The following HNF1B variants were observed in gnomAD, a reference collection of about 807,000 sequenced individuals.
HNF1B encodes hepatocyte nuclear factor 1-beta.
A neutral mutation model predicts 61.7 loss-of-function variants in HNF1B; 8 were observed. The observed-to-expected ratio is 0.13, with a 90% CI of 0.08 to 0.23. HNF1B has a LOEUF of 0.23. Ranked by LOEUF, HNF1B falls within the 10% of genes least tolerant of loss-of-function variation. The probability of loss-of-function intolerance (pLI) is 1.00; values close to 1 mark genes in which losing one functional copy is unlikely to be tolerated. For synonymous variants in HNF1B, 314 were observed against 287.7 expected, an observed-to-expected ratio of 1.09 and a Z score of -0.93; for missense variants, 562 against 714.5, an observed-to-expected ratio of 0.79 and a Z score of 2.43.
At position 37,744,819 on chromosome 17, in the gene HNF1B, G is replaced by T. The variant is rs906719754; in HGVS notation, c.66C>A (p.Thr22=). Residue 22 remains threonine, a synonymous_variant, in exon 1 of 9, where the codon ACC becomes ACA. Coordinates refer to ENST00000617811, the MANE Select transcript of HNF1B (RefSeq NM_000458.4). ...CCAAGGCCTGAACCAGCACCTCCTT[G>T]GTGACCCCGGAGCTCAGCAGGGCGC... is the stretch of plus-strand genomic sequence containing the variant. The part of the protein sequence containing the change: ...LLSALLSSGV[T]KEVLVQALEE... 1.5e-5 allele frequency: 24 copies of T among 1,613,432 alleles called. No homozygotes were observed. Among genetic ancestry groups the T allele is most frequent in the Admixed American group, 3.3e-5 (2 of 60,004 alleles).
rs181283745 is a variant in HNF1B at position 37,706,320 on chromosome 17, C to T, written c.1207-1271G>A. Among the ~76,000 whole-genome samples, 14 of 152,156 alleles carry T rather than the reference C, an allele frequency of 9.2e-5. No homozygotes were observed. In the East Asian group the frequency reaches 2.5e-3, roughly 27 times the overall value. ...TGGCCCCTCTTATTCTGAACCCAGGCGTGCTTGAGAGCATCAGGAACCCCG... is the reference window on the plus strand; with the variant it reads ...TGGCCCCTCTTATTCTGAACCCAGGTGTGCTTGAGAGCATCAGGAACCCCG... On this transcript the variant is annotated intron_variant, in intron 5 of 8. Transcript: ENST00000617811.
chr17:37,741,993 TTTTG>T (rs1272143681), intron 1 of HNF1B, among the ~76,000 whole-genome samples: 5 of 152,226 alleles, frequency 3.3e-5, no homozygotes, highest in South Asian at 2.1e-4. Context: ...AGCTGGTTAT[TTTTG>T]TTTGTTTGTT....
chr17:37,737,617 G>A (rs761553444), intron 2 of HNF1B, among the ~76,000 whole-genome samples: 153 of 151,718 alleles, frequency 1.0e-3, no homozygotes, highest in Non-Finnish European at 1.8e-3. Context: ...ACGAGGTCAG[G>A]AGATCAAGAC....
intron 4 of HNF1B, among the ~76,000 whole-genome samples, chr17:37,718,768 G>GC (rs1247447868): frequency 6.6e-6 from 1 of 152,176 alleles, no homozygotes; most frequent in Non-Finnish European, 1.5e-5. Context: ...TTTCTTCTTG[G>GC]CAGAGTCATG....
At chr17:37,738,885 A>T (rs2033910179) in intron 2 of HNF1B, among the ~76,000 whole-genome samples, 1 of 152,216 alleles carries the variant, frequency 6.6e-6, no homozygotes. Context: ...GTGTTGGTAA[A>T]TGTGGGTAAA....
intron 4 of HNF1B, 108 bp from the exon 5 acceptor site, chr17:37,710,771 C>G (rs1377749976): frequency 1.9e-6 from 2 of 1,073,856 alleles, no homozygotes; most frequent in Non-Finnish European, 2.8e-6. Context: ...AATAAAGTTG[C>G]TTTCTCCTCC....
chr17:37,701,225 GA>G (rs1341277715), intron 6 of HNF1B, 48 bp from the exon 7 acceptor site: 36 of 1,519,504 alleles, frequency 2.4e-5, no homozygotes, highest in Non-Finnish European at 2.9e-5. Flanking sequence ...GGGATAAGGA[GA>G]GGTGGATGGA....
intron 2 of HNF1B, 93 bp downstream of exon 2, chr17:37,739,347 G>T: frequency 1.7e-6 from 2 of 1,165,116 alleles, no homozygotes; most frequent in East Asian, 2.3e-5. Context: ...TGCTCACAAG[G>T]CCTTGTCGAT....
At chr17:37,720,815 A>C (rs7407025) in intron 4 of HNF1B, 1 of 985,008 alleles carries the variant, frequency 1.0e-6, no homozygotes, top group Admixed American at 6.2e-5. Context: ...CAGAGACTTC[A>C]GGGACCTTCT....
intron 4 of HNF1B, chr17:37,731,247 T>G: frequency 4.6e-6 from 2 of 435,598 alleles, no homozygotes; most frequent in Non-Finnish European, 8.5e-6. Flanking sequence ...TCACGACCCG[T>G]TTGCCTGCGG....
At chr17:37,706,806 G>A (rs1033723207) in intron 5 of HNF1B, among the ~76,000 whole-genome samples, 2 of 152,062 alleles carry the variant, frequency 1.3e-5, no homozygotes, top group African/African-American at 4.8e-5. Context: ...AATGGTATAA[G>A]AGAAGTGTGG....
intron 7 of HNF1B, among the ~76,000 whole-genome samples, chr17:37,699,898 C>T (rs951674360): frequency 2.6e-5 from 4 of 152,216 alleles, no homozygotes; most frequent in Non-Finnish European, 5.9e-5. Flanking sequence ...TTATCCGATG[C>T]AGCTAGGGAA....
intron 6 of HNF1B, 85 bp downstream of exon 6, chr17:37,704,832 C>T (rs2032686630): frequency 6.8e-6 from 10 of 1,474,710 alleles, no homozygotes; most frequent in Non-Finnish European, 9.5e-6. Flanking sequence ...TTGAAGGAGA[C>T]CTACAGTTAT....
intron 4 of HNF1B, among the ~76,000 whole-genome samples, chr17:37,721,493 C>T (rs1428244463): frequency 6.6e-6 from 1 of 152,130 alleles, no homozygotes; most frequent in Admixed American, 6.5e-5. Context: ...CATCCCACAC[C>T]CTCATTTGCC....
chr17:37,690,827 C>G (rs8065402), intron 8 of HNF1B, among the ~76,000 whole-genome samples: 1 of 152,162 alleles, frequency 6.6e-6, no homozygotes, highest in Admixed American at 6.5e-5. Flanking sequence ...CTGTCCCTGC[C>G]GAAGCAGCAC....
chr17:37,735,680 T>G (rs2147560315), intron 2 of HNF1B, among the ~76,000 whole-genome samples: 1 of 152,318 alleles, frequency 6.6e-6, no homozygotes, highest in South Asian at 2.1e-4. Flanking sequence ...ACTGAAAGCT[T>G]AGGGACACTA....
chr17:37,707,819 T>C (rs2032801866), intron 5 of HNF1B, among the ~76,000 whole-genome samples: 1 of 151,846 alleles, frequency 6.6e-6, no homozygotes, highest in Non-Finnish European at 1.5e-5. Context: ...ACCCTAAACC[T>C]GGCCAGTTTT....
chr17:37,688,026 A>G (rs539068265), intron 8 of HNF1B, among the ~76,000 whole-genome samples: 6 of 152,310 alleles, frequency 3.9e-5, no homozygotes, highest in Admixed American at 6.5e-5. Context: ...GAGCTTTGCA[A>G]ATTGCAAAGT....
chr17:37,715,648 C>T (rs191170799), intron 4 of HNF1B, among the ~76,000 whole-genome samples: 188 of 152,296 alleles, frequency 1.2e-3, no homozygotes, highest in African/African-American at 4.3e-3. Flanking sequence ...AATATGGAGT[C>T]ACATCTTTTC....
Sources: gnomAD v4.1 joint callset for allele counts (sites outside exome capture counted in the v4.1 genomes callset) on GRCh38, gnomAD v4.1.1 for gene constraint, MANE v1.5 for transcripts, NCBI Gene and HGNC (gene_info 2026-07-23, HGNC 2026-07-21) for gene names.